Variants in ADARB1 observed in about 807,000 individuals in gnomAD.
The protein encoded by ADARB1 is adenosine deaminase RNA specific B1.
ADARB1 carries 10 observed loss-of-function variants against 52.4 expected under a neutral mutation model. That is an observed-to-expected ratio of 0.19 (90% confidence interval 0.12 to 0.32). ADARB1 has a LOEUF of 0.32. Ranked by LOEUF, ADARB1 falls within the 10% of genes least tolerant of loss-of-function variation. The pLI, the probability that ADARB1 is intolerant of heterozygous loss-of-function variation, is 1.00. For missense variants in ADARB1, 643 were observed against 922.3 expected, an observed-to-expected ratio of 0.70 and a Z score of 3.92; for synonymous variants, 349 against 371.1, an observed-to-expected ratio of 0.94 and a Z score of 0.68.
intron 2 of ADARB1, among the ~76,000 whole-genome samples, chr21:45,134,489 G>A (rs891764505): frequency 1.3e-4 from 20 of 152,168 alleles, no homozygotes; most frequent in South Asian, 4.2e-4. Context: ...GCAGGGGTAC[G>A]TACACTCGGG....
intron 2 of ADARB1, among the ~76,000 whole-genome samples, chr21:45,135,879 G>A (rs569445681): frequency 6.6e-6 from 1 of 152,330 alleles, no homozygotes; most frequent in Non-Finnish European, 1.5e-5. Flanking sequence ...TCCCCGGTGG[G>A]TCCTCTGTGA....
At chr21:45,179,764 C>T (rs2091853795) in intron 4 of ADARB1, among the ~76,000 whole-genome samples, 2 of 145,008 alleles carry the variant, frequency 1.4e-5, no homozygotes, top group Non-Finnish European at 1.5e-5. Context: ...TCGGTGGCGC[C>T]TTTGAGGGAG....
intron 2 of ADARB1, among the ~76,000 whole-genome samples, chr21:45,140,639 G>A (rs938832003): frequency 3.9e-5 from 6 of 152,104 alleles, no homozygotes; most frequent in Non-Finnish European, 8.8e-5. Context: ...GTGCGTGAGT[G>A]TATGTGTGTG....
At chr21:45,210,305 A>G (rs770587342) in intron 9 of ADARB1, among the ~76,000 whole-genome samples, 15 of 152,190 alleles carry the variant, frequency 9.9e-5, no homozygotes, top group Non-Finnish European at 2.2e-4. Flanking sequence ...TTGGATGGAC[A>G]CTGTTGTTAC....
intron 9 of ADARB1, among the ~76,000 whole-genome samples, chr21:45,212,384 T>C (rs1165078980): frequency 6.6e-6 from 1 of 152,126 alleles, no homozygotes; most frequent in East Asian, 1.9e-4. Flanking sequence ...ACTCAGAACA[T>C]GCAGGCAGGT....
intron 9 of ADARB1, among the ~76,000 whole-genome samples, chr21:45,212,116 AT>A (rs1471838794): frequency 6.6e-5 from 10 of 152,258 alleles, no homozygotes; most frequent in African/African-American, 2.2e-4. Flanking sequence ...TTTAAGTATC[AT>A]TCAACAGTAA....
At chr21:45,186,229 C>G (rs1970377171) in intron 8 of ADARB1, among the ~76,000 whole-genome samples, 1 of 152,136 alleles carries the variant, frequency 6.6e-6, no homozygotes, top group East Asian at 1.9e-4. Flanking sequence ...TTTCATTCAA[C>G]CTATATTTTT....
intron 1 of ADARB1, among the ~76,000 whole-genome samples, chr21:45,104,060 AGG>A (rs970754763): frequency 6.6e-6 from 1 of 151,974 alleles, no homozygotes; most frequent in Admixed American, 6.6e-5. Flanking sequence ...ACTTTTGGGG[AGG>A]GGGGTCCCTC....
chr21:45,209,317 G>T (rs569338116), intron 9 of ADARB1, among the ~76,000 whole-genome samples: 2 of 152,206 alleles, frequency 1.3e-5, no homozygotes, highest in South Asian at 4.1e-4. Flanking sequence ...AAGAGCTCCT[G>T]GTTTCTCTTC....
rs539568610 is a variant in ADARB1, at chr21:45,222,254, A to G, written c.*57A>G. 1.1e-5 allele frequency: 16 copies of G among 1,494,700 alleles called. No homozygotes were observed. The African/African-American group carries it at 2.3e-4, about 21-fold the overall frequency. 92.6% of individuals were successfully genotyped at this position (1,494,700 alleles called of 1,614,324 possible). A position where few individuals can be genotyped will look rare whatever the true frequency, so the allele number is the denominator to read the frequency against. ...CTGTGGGCATCCAGCGTCATCCTCC[A>G]GAACCTCACATCTGAACTGGGGGCA... On this transcript the variant is annotated 3_prime_UTR_variant, in exon 11 of 11. Transcript: ENST00000348831.
At chr21:45,169,346 A>G (rs1399668151) in intron 2 of ADARB1, among the ~76,000 whole-genome samples, 1 of 152,158 alleles carries the variant, frequency 6.6e-6, no homozygotes, top group Non-Finnish European at 1.5e-5. Context: ...GGAATAAAGC[A>G]ATTCTTGTCT....
intron 3 of ADARB1, among the ~76,000 whole-genome samples, chr21:45,173,137 C>G (rs1028175536): frequency 6.6e-6 from 1 of 152,202 alleles, no homozygotes; most frequent in African/African-American, 2.4e-5. Context: ...GGAACTATCC[C>G]CAAACTGATC....
intron 1 of ADARB1, among the ~76,000 whole-genome samples, chr21:45,105,130 T>C (rs1488310480): frequency 1.3e-5 from 2 of 152,110 alleles, no homozygotes; most frequent in East Asian, 3.8e-4. Context: ...AGATGGAGTC[T>C]GGCACTGTCA....
chr21:45,209,190 A>G (rs1195965561), intron 9 of ADARB1, among the ~76,000 whole-genome samples: 1 of 152,176 alleles, frequency 6.6e-6, no homozygotes, highest in African/African-American at 2.4e-5. Context: ...TCATCTTCCT[A>G]GATTCTGATG....
At chr21:45,210,008 C>T (rs1466071257) in intron 9 of ADARB1, among the ~76,000 whole-genome samples, 1 of 152,220 alleles carries the variant, frequency 6.6e-6, no homozygotes, top group Non-Finnish European at 1.5e-5. Flanking sequence ...ACTGTTTTCC[C>T]CGCGGAGCAG....
chr21:45,154,305 A>G (rs572011578), intron 2 of ADARB1, among the ~76,000 whole-genome samples: 4 of 152,356 alleles, frequency 2.6e-5, no homozygotes, highest in South Asian at 4.1e-4. Context: ...ACTAAACAGT[A>G]TCATGTTATG....
At position 45,131,584 on chromosome 21, in the gene ADARB1, ATGTTGCTACC is replaced by A. The variant is rs1270255170; in HGVS notation, c.-48+3022_-48+3031del. Among the ~76,000 whole-genome samples the A allele has an allele frequency of 2.6e-5, 4 of 152,066 alleles. No individual in the cohort carries two copies. The East Asian group carries it at 5.8e-4, about 22-fold the overall frequency. On this transcript the variant is annotated intron_variant, in intron 2 of 10. Coordinates refer to ENST00000348831, the MANE Select transcript of ADARB1 (RefSeq NM_001112.4). ...CACCATGATGCCTACGCCACTTCTC[ATGTTGCTACC>A]TGTTGCTACCACCGGGCATCGCTGC...
intron 2 of ADARB1, among the ~76,000 whole-genome samples, chr21:45,151,849 G>C (rs576871962): frequency 1.3e-5 from 2 of 152,352 alleles, no homozygotes; most frequent in Middle Eastern, 6.8e-3. Context: ...TCACAGACTG[G>C]CTGTGCTGAT....
chr21:45,082,117 G>A (rs2086177287), intron 1 of ADARB1, among the ~76,000 whole-genome samples: 1 of 152,348 alleles, frequency 6.6e-6, no homozygotes, highest in East Asian at 1.9e-4. Flanking sequence ...TGGTGATGAT[G>A]TGATGATGCC....
Sources: gnomAD v4.1 joint callset for allele counts (sites outside exome capture counted in the v4.1 genomes callset) on GRCh38, gnomAD v4.1.1 for gene constraint, MANE v1.5 for transcripts, NCBI Gene and HGNC (gene_info 2026-07-23, HGNC 2026-07-21) for gene names.